The following MAST2 variants were observed in gnomAD, a reference collection of about 807,000 sequenced individuals.
The protein encoded by MAST2 is microtubule-associated serine/threonine-protein kinase 2.
A neutral mutation model predicts 147.4 loss-of-function variants in MAST2; 70 were observed. The ratio of observed to expected loss-of-function variants is 0.47; its 90% CI spans 0.39 to 0.58. MAST2 has a LOEUF of 0.58. Ranked by LOEUF, MAST2 falls within the 20% of genes least tolerant of loss-of-function variation. The pLI is 0.00. For missense variants in MAST2, 2,080 were observed against 2,302.3 expected (o/e 0.90, Z 1.98); for synonymous variants, 869 against 896.8 (o/e 0.97, Z 0.55).
chr1:45,858,444 A>G (rs1482941487), intron 3 of MAST2, among the ~76,000 whole-genome samples: 1 of 151,864 alleles, frequency 6.6e-6, no homozygotes, highest in Non-Finnish European at 1.5e-5. Context: ...TCCTTTGCCC[A>G]CTTTGTGATG....
chr1:45,872,686 G>A (rs1323782902), intron 3 of MAST2, among the ~76,000 whole-genome samples: 2 of 152,006 alleles, frequency 1.3e-5, no homozygotes, highest in African/African-American at 4.8e-5. Flanking sequence ...TCTCCATGTT[G>A]GTCAGGCTGG....
In MAST2 at chr1:46,030,622, G is replaced by A. The variant is rs1429880424; in HGVS notation, c.2569G>A (p.Glu857Lys). 6.2e-7 allele frequency: 1 copy of A among 1,610,578 alleles called. No individual in the cohort carries two copies. The highest frequency in any genetic ancestry group is 1.7e-5 in the Admixed American group (1 of 59,460). Residue 857 changes from glutamate (E) to lysine (K), a missense_variant, in exon 22 of 29, where the codon GAG becomes AAG. Glu to Lys is a moderately conservative substitution (Grantham distance 56). Transcript: ENST00000361297. ...PRFNKVYSSM[E>K]RLSLLEERRT... The stretch of plus-strand genomic sequence containing the variant: ...GTGCCCACAGGTGTACAGCAGCATG[G>A]AGCGGCTCTCACTGCTCGAGGAGCG...
At chr1:45,952,278 A>G (rs962582081) in intron 4 of MAST2, among the ~76,000 whole-genome samples, 2 of 152,350 alleles carry the variant, frequency 1.3e-5, no homozygotes, top group African/African-American at 4.8e-5. Context: ...CAAAGACTAC[A>G]TAATGTATGA....
At position 46,031,175 on chromosome 1, in the gene MAST2, G is replaced by A. The variant is rs969047907; in HGVS notation, c.2877G>A (p.Trp959Ter). 7 of 1,590,882 alleles carry A rather than the reference G, an allele frequency of 4.4e-6. No individual in the cohort carries two copies. The highest frequency in any genetic ancestry group is 6.0e-6 in the Non-Finnish European group (7 of 1,164,636). Reference sequence around the variant, plus strand: ...GGAGGCAACCACAGGAGGGTATATGGGTCCTGACACCCCCATCTGGAGAGG... The same window carrying A: ...GGAGGCAACCACAGGAGGGTATATGAGTCCTGACACCCCCATCTGGAGAGG... The part of the protein sequence containing the change: ...TLRRQPQEGI[W>*]VLTPPSGEGV... The change falls in exon 23 of 29, where the codon TGG (tryptophan) becomes TGA (stop). Residue 959 changes from tryptophan (W) to a stop codon, truncating the protein, a stop_gained. Transcript: ENST00000361297. LOFTEE classifies it high-confidence loss of function. This position sits in a 1 kb window ranked among gnomAD's most constrained non-coding sequence, Gnocchi z 4.1.
At chr1:45,809,971 G>A (rs1407472317) in intron 1 of MAST2, among the ~76,000 whole-genome samples, 1 of 152,196 alleles carries the variant, frequency 6.6e-6, no homozygotes, top group Non-Finnish European at 1.5e-5. Context: ...TGAATGAAAG[G>A]ATGAATCAGT....
Position 46,035,225 on chromosome 1 carries a change from A to G in MAST2, c.4556A>G (p.Gln1519Arg). 6.2e-7 allele frequency: 1 copy of G among 1,614,060 alleles called. No individual in the cohort carries two copies. The highest frequency in any genetic ancestry group is 1.3e-5 in the African/African-American group (1 of 75,054). ...GGGCCTGAGAACAGCCAGGGTGCAC[A>G]GGAGCTGAGCTTGGCACCTCACCCA... is the stretch of plus-strand genomic sequence containing the variant. Reference protein sequence around the residue: ...EEGPENSQGAQELSLAPHPEV... With the variant: ...EEGPENSQGARELSLAPHPEV... Residue 1519 changes from glutamine (Q) to arginine (R), a missense_variant, in exon 29 of 29, where the codon CAG becomes CGG. By Grantham distance (43) the Gln-to-Arg change is conservative (BLOSUM62 1). Coordinates refer to ENST00000361297, the MANE Select transcript of MAST2 (RefSeq NM_015112.3). This position sits in a 1 kb window ranked among gnomAD's most constrained non-coding sequence, Gnocchi z 5.5.
intron 5 of MAST2, among the ~76,000 whole-genome samples, chr1:45,961,709 C>A (rs557315606): frequency 3.3e-5 from 5 of 152,128 alleles, no homozygotes; most frequent in Admixed American, 2.6e-4. Flanking sequence ...TTGAGACAGG[C>A]AGCACTGATT....
At chr1:45,955,779 A>T (rs924513824) in intron 4 of MAST2, among the ~76,000 whole-genome samples, 26 of 152,200 alleles carry the variant, frequency 1.7e-4, no homozygotes, top group Non-Finnish European at 2.9e-5. Context: ...GAGGTCATGG[A>T]GAATCCAGAC....
intron 5 of MAST2, among the ~76,000 whole-genome samples, chr1:45,972,726 T>C (rs1643966672): frequency 6.6e-6 from 1 of 152,232 alleles, no homozygotes; most frequent in Non-Finnish European, 1.5e-5. Flanking sequence ...GAACATTCCC[T>C]GCTCTGTCTT....
intron 3 of MAST2, among the ~76,000 whole-genome samples, chr1:45,873,001 A>G (rs561247384): frequency 1.3e-5 from 2 of 152,228 alleles, no homozygotes; most frequent in East Asian, 3.9e-4. Context: ...AAGTGTATCA[A>G]TTTGAGGGTC....
chr1:45,917,555 CTG>C (rs759089412), intron 4 of MAST2: 1 of 1,365,288 alleles, frequency 7.3e-7, no homozygotes, highest in Non-Finnish European at 9.8e-7. Context: ...TGCTGTGAAT[CTG>C]GGCCTTGACA....
intron 4 of MAST2, among the ~76,000 whole-genome samples, chr1:45,922,160 C>CTT (rs1553233106): frequency 6.6e-6 from 1 of 152,156 alleles, no homozygotes; most frequent in Non-Finnish European, 1.5e-5. Flanking sequence ...AGTCCAGGGG[C>CTT]TTTTATGGGC....
chr1:45,923,991 C>T (rs1470229670), intron 4 of MAST2, among the ~76,000 whole-genome samples: 1 of 152,142 alleles, frequency 6.6e-6, no homozygotes, highest in Non-Finnish European at 1.5e-5. Context: ...CCTGCCTCAG[C>T]CTCCCCAGTA....
At chr1:45,966,465 C>T (rs1245018580) in intron 5 of MAST2, among the ~76,000 whole-genome samples, 1 of 150,956 alleles carries the variant, frequency 6.6e-6, no homozygotes, top group Non-Finnish European at 1.5e-5. Context: ...GGCGTGGTGG[C>T]TCACGCCTGT....
chr1:45,981,657 G>T (rs11211237), intron 5 of MAST2, among the ~76,000 whole-genome samples: 1 of 151,866 alleles, frequency 6.6e-6, no homozygotes. Flanking sequence ...AGTTAGTTTT[G>T]GCCTAAGCTC....
intron 4 of MAST2, among the ~76,000 whole-genome samples, chr1:45,926,671 AC>A (rs1654418994): frequency 6.6e-6 from 1 of 152,192 alleles, no homozygotes; most frequent in African/African-American, 2.4e-5. Context: ...TTCTCCTCTT[AC>A]AGCAGGGAAA....
intron 3 of MAST2, among the ~76,000 whole-genome samples, chr1:45,864,130 C>T (rs147958885): frequency 8.5e-5 from 13 of 152,306 alleles, no homozygotes; most frequent in African/African-American, 2.9e-4. Flanking sequence ...CATCTTTAAA[C>T]TTGGCTGAAG....
chr1:46,025,677 G>T lies in MAST2; in HGVS notation c.1781G>T (p.Gly594Val). 1 of 1,614,066 alleles carries T rather than the reference G, an allele frequency of 6.2e-7. No individual in the cohort carries two copies. Among genetic ancestry groups the T allele is most frequent in the Non-Finnish European group, 8.5e-7 (1 of 1,180,032 alleles). The change falls in exon 16 of 29, where the codon GGG (glycine) becomes GTG (valine). Residue 594 changes from glycine to valine, a missense_variant and splice_region_variant. Physicochemically the swap from Gly to Val is moderately radical, Grantham distance 109. Around this residue, in one of 4 missense-constraint regions of MAST2, gnomAD observed 209 missense variants for 309.5 expected, o/e 0.68. Coordinates refer to ENST00000361297, the MANE Select transcript of MAST2 (RefSeq NM_015112.3). Reference sequence around the variant, plus strand: ...TCATGGTAGCCTGGGCTTGTTGCAGGGGGAGACTGTGCCACTCTGCTGAAG... The same window carrying T: ...TCATGGTAGCCTGGGCTTGTTGCAGTGGGAGACTGTGCCACTCTGCTGAAG... ...HLCMVMEYVE[G>V]GDCATLLKNI... is the part of the protein sequence containing the mutation.
chr1:45,812,058 C>A lies in MAST2; in HGVS notation c.177+7986C>A, dbSNP rs113105102. Among the ~76,000 whole-genome samples, 567 of 152,292 alleles carry A rather than the reference C, an allele frequency of 3.7e-3. 2 individuals carry two copies. The highest frequency in any genetic ancestry group is 0.013 in the African/African-American group (539 of 41,568). ...ATGCTGGAATTACAGGTGTGAGCCA[C>A]CGCGCGCGGCACAGGAGCAGTATAT... is the stretch of plus-strand genomic sequence containing the variant. On this transcript the variant is annotated intron_variant, in intron 1 of 28. Coordinates refer to ENST00000361297, the MANE Select transcript of MAST2 (RefSeq NM_015112.3).
Sources: allele counts gnomAD v4.1 joint callset (sites outside exome capture counted in the v4.1 genomes callset), GRCh38; gene constraint gnomAD v4.1.1; regional missense constraint gnomAD v4.1.1; non-coding constraint Gnocchi (gnomAD v3.1); transcripts MANE v1.5; gene names NCBI Gene and HGNC (gene_info 2026-07-23, HGNC 2026-07-21).